The following ZNF248 variants were observed in gnomAD, a reference collection of about 807,000 sequenced individuals.
ZNF248 encodes KRAB protein domain.
In ZNF248, 20 loss-of-function variants were observed where a neutral mutation model predicts 44.3. The ratio of observed to expected loss-of-function variants is 0.45; its 90% confidence interval spans 0.32 to 0.66. The LOEUF (loss-of-function observed/expected upper bound fraction) is 0.66, where lower values mean the gene tolerates loss of function less well. Ranked by LOEUF, ZNF248 falls within the 30% of genes least tolerant of loss-of-function variation. The probability of loss-of-function intolerance (pLI) is 0.04; values close to 1 mark genes in which losing one functional copy is unlikely to be tolerated. For synonymous variants in ZNF248, 224 were observed against 229.0 expected, an observed-to-expected ratio of 0.98 and a Z score of 0.20; for missense variants, 654 against 677.0, an observed-to-expected ratio of 0.97 and a Z score of 0.38.
the ZNF248 span, among the ~76,000 whole-genome samples, chr10:37,770,946 C>T: frequency 2.0e-5 from 3 of 152,122 alleles, no homozygotes; most frequent in African/African-American, 7.2e-5. Context: ...ACAACCCCAT[C>T]AAAAAGTGGG....
Position 37,830,688 on chromosome 10 carries a change from T to C in ZNF248, c.*927A>G, listed in dbSNP as rs1767027986. The C allele has an allele frequency of 1.2e-6, 1 of 856,704 alleles. No homozygotes were observed. The allele number at this position is 856,704 out of a possible 1,614,324, so 53.1% of individuals were successfully genotyped here. ...CTGATTTATAGTTTGTCAATTTCCATGGTGTAAACACTCCCACTAAGTCCA... is the reference window on the plus strand; with the variant it reads ...CTGATTTATAGTTTGTCAATTTCCACGGTGTAAACACTCCCACTAAGTCCA... On this transcript the variant is annotated 3_prime_UTR_variant, in exon 6 of 6. Transcript: ENST00000395867.
At chr10:37,766,579 GA>G in the ZNF248 span, among the ~76,000 whole-genome samples, 1 of 152,156 alleles carries the variant, frequency 6.6e-6, no homozygotes, top group African/African-American at 2.4e-5. Flanking sequence ...CTGTTAGAAG[GA>G]AAACTAACAA....
At chr10:37,847,195 C>CT (rs1446204316) in intron 3 of ZNF248, among the ~76,000 whole-genome samples, 1 of 151,970 alleles carries the variant, frequency 6.6e-6, no homozygotes, top group Admixed American at 6.6e-5. Flanking sequence ...GCCCAGCTAA[C>CT]TTTTTATTTT....
chr10:37,770,601 C>A, the ZNF248 span, among the ~76,000 whole-genome samples: 3 of 152,156 alleles, frequency 2.0e-5, no homozygotes, highest in African/African-American at 7.2e-5. Flanking sequence ...CCCTTCCTTA[C>A]ACCTTATACA....
chr10:37,761,914 T>C, the ZNF248 span, among the ~76,000 whole-genome samples: 1 of 152,230 alleles, frequency 6.6e-6, no homozygotes, highest in Non-Finnish European at 1.5e-5. Context: ...ATCCAACTGC[T>C]TCCCAGTTTT....
chr10:37,804,047 C>T (rs1208681), intron 6 of ZNF248: 72,824 of 151,522 alleles, frequency 0.48, 17,826 homozygotes, highest in East Asian at 0.56. Context: ...CTGCTGGTTA[C>T]ATGATCTTGG....
chr10:37,820,563 C>G, intron 6 of ZNF248: 1 of 1,601,746 alleles, frequency 6.2e-7, no homozygotes, highest in Non-Finnish European at 8.5e-7. Context: ...GTCCCTGGCC[C>G]GCTTCCCCCA....
chr10:37,787,718 A>G (rs1039613119), intron 6 of ZNF248, among the ~76,000 whole-genome samples: 3 of 152,112 alleles, frequency 2.0e-5, no homozygotes, highest in Non-Finnish European at 4.4e-5. Flanking sequence ...TGAATCAAAG[A>G]CTCAGATATA....
At chr10:37,790,261 ACT>A (rs553149046) in intron 6 of ZNF248, among the ~76,000 whole-genome samples, 293 of 134,904 alleles carry the variant, frequency 2.2e-3, no homozygotes, top group Middle Eastern at 4.8e-3. Context: ...ACAGAGCAAG[ACT>A]CTGTGTCAAA....
chr10:37,803,342 G>A (rs553461629), intron 6 of ZNF248: 1 of 152,186 alleles, frequency 6.6e-6, no homozygotes, highest in Non-Finnish European at 1.5e-5. Context: ...CCATCTAGGC[G>A]ATGCCTTCCC....
At chr10:37,820,299 C>G in intron 6 of ZNF248, 2 of 1,391,490 alleles carry the variant, frequency 1.4e-6, no homozygotes, top group Non-Finnish European at 2.0e-6. Flanking sequence ...AGATGAGGGA[C>G]TGTTTTGCTG....
chr10:37,814,299 C>G (rs954221090), intron 6 of ZNF248, among the ~76,000 whole-genome samples: 10 of 152,174 alleles, frequency 6.6e-5, no homozygotes, highest in African/African-American at 2.2e-4. Flanking sequence ...CTGTCCCCAC[C>G]ACTTTTTAAG....
At chr10:37,846,251 G>C (rs1426634986) in intron 3 of ZNF248, among the ~76,000 whole-genome samples, 1 of 152,200 alleles carries the variant, frequency 6.6e-6, no homozygotes, top group African/African-American at 2.4e-5. Context: ...GTAACAGAAA[G>C]AGGAATTATA....
chr10:37,769,612 G>A, the ZNF248 span, among the ~76,000 whole-genome samples: 6 of 152,244 alleles, frequency 3.9e-5, no homozygotes, highest in East Asian at 1.9e-4. Flanking sequence ...AAGTATTGAC[G>A]GGACGTATCT....
chr10:37,819,952 G>GT (rs2053184518), intron 6 of ZNF248: 3 of 767,866 alleles, frequency 3.9e-6, no homozygotes, highest in Non-Finnish European at 7.3e-6. Context: ...TCGGACAGTA[G>GT]TAAAGCGGCC....
chr10:37,780,981 C>A (rs1191004093), intron 6 of ZNF248, among the ~76,000 whole-genome samples: 3 of 151,188 alleles, frequency 2.0e-5, no homozygotes, highest in African/African-American at 7.4e-5. Flanking sequence ...GTGCGGGACA[C>A]GTTTTTGTTC....
the ZNF248 span, among the ~76,000 whole-genome samples, chr10:37,765,121 A>AT: frequency 2.0e-4 from 30 of 151,442 alleles, no homozygotes; most frequent in African/African-American, 4.1e-4. Flanking sequence ...TGCCCAGCTA[A>AT]TTTTTTTTTA....
exon 7 of ZNF248, chr10:37,776,531 C>T: frequency 2.5e-6 from 1 of 398,450 alleles, no homozygotes. Flanking sequence ...GCGCCTTCTT[C>T]TTACTTCACA....
chr10:37,801,098 T>C (rs908716978), intron 6 of ZNF248, among the ~76,000 whole-genome samples: 2 of 151,210 alleles, frequency 1.3e-5, no homozygotes, highest in African/African-American at 2.4e-5. Context: ...TTATATTTGC[T>C]GGGCACAGTG....
Sources: allele counts gnomAD v4.1 joint callset (sites outside exome capture counted in the v4.1 genomes callset), GRCh38; gene constraint gnomAD v4.1.1; transcripts MANE v1.5; gene names NCBI Gene and HGNC (gene_info 2026-07-23, HGNC 2026-07-21).